Variants in NAAA observed in about 807,000 individuals in gnomAD.
The protein encoded by NAAA is N-acylethanolamine-hydrolyzing acid amidase.
Under a neutral mutation model 44.8 loss-of-function variants are expected in NAAA, and 39 were observed. The observed-to-expected ratio is 0.87, with a 90% CI of 0.67 to 1.14. NAAA has a LOEUF of 1.14. NAAA is among the 50% of genes most tolerant of loss of function. The pLI, the probability that NAAA is intolerant of heterozygous loss-of-function variation, is 0.00. For missense variants in NAAA, 460 were observed against 467.8 expected, an observed-to-expected ratio of 0.98 and a Z score of 0.15; for synonymous variants, 178 against 191.3, an observed-to-expected ratio of 0.93 and a Z score of 0.58.
rs1366103632 is a variant in NAAA at position 75,925,774 on chromosome 4, CAG to C, written c.625_626del (p.Leu209ValfsTer17). The C allele has an allele frequency of 2.5e-6, 4 of 1,614,138 alleles. No homozygotes were observed. In the East Asian group the frequency reaches 8.9e-5, roughly 36 times the overall value. On this transcript the variant is annotated frameshift_variant, in exon 5 of 11. Coordinates refer to ENST00000286733, the MANE Select transcript of NAAA (RefSeq NM_014435.4). LOFTEE classifies it high-confidence loss of function. ...GWWWENAIAALFRRHIPVSWL... is the reference protein window; with the variant it reads ...GWWWENAIAAXFRRHIPVSWL... ...AGCTGACGGGAATGTGTCTCCGAAACAGGGCAGCGATAGCATTCTCCCACCAC... is the reference window on the plus strand; with the variant it reads ...AGCTGACGGGAATGTGTCTCCGAAACGGCAGCGATAGCATTCTCCCACCAC...
rs547026209 is a variant in NAAA at position 75,918,781 on chromosome 4, C to G, written c.978G>C (p.Ser326=). ...LSLEALFQIL[S]VVPVYNNFTI... is the part of the protein sequence containing the mutation. Reference sequence around the variant, plus strand: ...CTTACTTGTTATAAACTGGAACCACCGACAAAATCTGCATAGGAAAAAGTC... The same window carrying G: ...CTTACTTGTTATAAACTGGAACCACGGACAAAATCTGCATAGGAAAAAGTC... The change falls in exon 9 of 11, where the codon TCG becomes TCC. Residue 326 remains serine, a synonymous_variant. Transcript: ENST00000286733. 1 of 1,612,548 alleles carries G rather than the reference C, an allele frequency of 6.2e-7. No homozygotes were observed. The highest frequency in any genetic ancestry group is 2.2e-5 in the East Asian group (1 of 44,846).
intron 2 of NAAA, 91 bp downstream of exon 2, chr4:75,939,910 T>TGCC: frequency 6.7e-7 from 1 of 1,492,820 alleles, no homozygotes; most frequent in Non-Finnish European, 9.2e-7. Flanking sequence ...CGCCCTGTTT[T>TGCC]TATCACACGG....
intron 3 of NAAA, among the ~76,000 whole-genome samples, chr4:75,934,102 C>T (rs1578080559): frequency 6.7e-6 from 1 of 149,088 alleles, no homozygotes; most frequent in Admixed American, 6.7e-5. Context: ...TAATAATTTA[C>T]AGCCTAATTA....
downstream of NAAA, among the ~76,000 whole-genome samples, chr4:75,910,884 C>T (rs771511430): frequency 1.8e-4 from 27 of 152,242 alleles, no homozygotes; most frequent in African/African-American, 4.3e-4. Context: ...CCTGGGTGCA[C>T]GTGGGCTGAG....
At chr4:75,919,838 G>A (rs755184121) in intron 8 of NAAA, 71 bp downstream of exon 8, 3 of 1,387,784 alleles carry the variant, frequency 2.2e-6, no homozygotes, top group Non-Finnish European at 3.1e-6. Context: ...AGATTTCACG[G>A]AGTTTTTCAT....
At chr4:75,926,439 T>C (rs1292944381) in intron 4 of NAAA, among the ~76,000 whole-genome samples, 2 of 151,098 alleles carry the variant, frequency 1.3e-5, no homozygotes, top group African/African-American at 2.4e-5. Flanking sequence ...CGGGCACCTG[T>C]AATCCCAGCT....
At chr4:75,921,197 C>A in intron 5 of NAAA, 74 bp from the exon 6 acceptor site, 1 of 1,350,450 alleles carries the variant, frequency 7.4e-7, no homozygotes, top group South Asian at 1.5e-5. Flanking sequence ...CAAAAATGAT[C>A]CAAAGCACAT....
At chr4:75,932,669 T>A (rs1377707576) in intron 3 of NAAA, among the ~76,000 whole-genome samples, 4 of 151,140 alleles carry the variant, frequency 2.6e-5, no homozygotes, top group African/African-American at 4.9e-5. Context: ...ATATACAAAA[T>A]TTTTTTTTGC....
At chr4:75,937,824 C>T (rs1727870548) in intron 2 of NAAA, among the ~76,000 whole-genome samples, 1 of 152,182 alleles carries the variant, frequency 6.6e-6, no homozygotes, top group Non-Finnish European at 1.5e-5. Flanking sequence ...TCAAAGAGTT[C>T]AGGTCAGGGA....
intron 9 of NAAA, among the ~76,000 whole-genome samples, chr4:75,918,192 T>G (rs56189214): frequency 0.084 from 12,855 of 152,160 alleles, 932 homozygotes; most frequent in African/African-American, 0.19. Flanking sequence ...AGTGGCTCAC[T>G]CCTGTAATCC....
intron 4 of NAAA, among the ~76,000 whole-genome samples, chr4:75,927,075 G>A (rs1407040919): frequency 6.6e-6 from 1 of 152,092 alleles, no homozygotes; most frequent in Non-Finnish European, 1.5e-5. Flanking sequence ...TGGCCAGTAA[G>A]CACATGAAAA....
chr4:75,940,313 A>G (rs1201237124), intron 1 of NAAA, 148 bp from the exon 2 acceptor site: 3 of 707,476 alleles, frequency 4.2e-6, no homozygotes, highest in Non-Finnish European at 4.2e-6. Flanking sequence ...GCGCGGCGTC[A>G]CTCAATCTGC....
intron 5 of NAAA, among the ~76,000 whole-genome samples, chr4:75,922,911 T>C (rs1726308162): frequency 1.3e-5 from 2 of 152,192 alleles, no homozygotes; most frequent in African/African-American, 2.4e-5. Flanking sequence ...TAAAAAATAC[T>C]GAAGGCACTG....
At chr4:75,917,031 C>T (rs954939123) in intron 9 of NAAA, 122 of 776,672 alleles carry the variant, frequency 1.6e-4, no homozygotes, top group African/African-American at 1.1e-3. Flanking sequence ...CCACCCGCCT[C>T]GGCTTCCAAA....
At chr4:75,914,842 CT>C in intron 10 of NAAA, 25 bp downstream of exon 10, 1 of 1,560,482 alleles carries the variant, frequency 6.4e-7, no homozygotes, top group East Asian at 2.2e-5. Context: ...ACCTCACCCC[CT>C]CTCCACAAAA....
At position 75,940,912 on chromosome 4, in the gene NAAA, G is replaced by T. The variant is rs1387825414; in HGVS notation, c.38C>A (p.Pro13Gln). ...GGCCAGCAGCAGCAGCAGCAGGGACGGAAGCCCCGGGCGCGCCTCCCGGTC... is the reference window on the plus strand; with the variant it reads ...GGCCAGCAGCAGCAGCAGCAGGGACTGAAGCCCCGGGCGCGCCTCCCGGTC... The part of the protein sequence containing the change: ...TADREARPGL[P>Q]SLLLLLLAGA... Residue 13 changes from proline to glutamine, a missense_variant, in exon 1 of 11, where the codon CCG (proline) becomes CAG (glutamine). Coordinates refer to ENST00000286733, the MANE Select transcript of NAAA (RefSeq NM_014435.4). 5 of 1,512,486 alleles carry T rather than the reference G, an allele frequency of 3.3e-6. No homozygotes were observed. Among genetic ancestry groups the T allele is most frequent in the East Asian group, 2.7e-5 (1 of 37,472 alleles). 93.7% of individuals were successfully genotyped at this position (1,512,486 alleles called of 1,614,324 possible).
chr4:75,940,233 T>G (rs1443165288), intron 1 of NAAA, 68 bp from the exon 2 acceptor site: 21 of 1,541,064 alleles, frequency 1.4e-5, no homozygotes, highest in Non-Finnish European at 1.8e-5. Context: ...GCGTGTGCAC[T>G]GCGAGCGGGG....
intron 5 of NAAA, among the ~76,000 whole-genome samples, chr4:75,923,921 A>C (rs1276968647): frequency 1.3e-5 from 2 of 152,166 alleles, no homozygotes; most frequent in African/African-American, 4.8e-5. Flanking sequence ...CATCAGCATA[A>C]TAAAAGATTA....
intron 3 of NAAA, among the ~76,000 whole-genome samples, chr4:75,934,456 C>T (rs1404099450): frequency 2.7e-5 from 4 of 150,098 alleles, no homozygotes; most frequent in African/African-American, 9.8e-5. Context: ...GCTGGGATTA[C>T]AGACACCCAC....
Sources: gnomAD v4.1 joint callset for allele counts (sites outside exome capture counted in the v4.1 genomes callset) on GRCh38, gnomAD v4.1.1 for gene constraint, MANE v1.5 for transcripts, NCBI Gene and HGNC (gene_info 2026-07-23, HGNC 2026-07-21) for gene names.